Variants in CHLSN observed in about 807,000 individuals in gnomAD.
The protein encoded by CHLSN is protein cholesin.
the CHLSN span, among the ~76,000 whole-genome samples, chr7:1,126,359 C>CAAAAAAAAAA: frequency 7.4e-4 from 30 of 40,426 alleles, no homozygotes; most frequent in Non-Finnish European, 9.1e-4. Flanking sequence ...GACTCTGTCT[C>CAAAAAAAAAA]AAAAAAAAAA....
At chr7:1,048,543 C>G in the CHLSN span, among the ~76,000 whole-genome samples, 4 of 152,168 alleles carry the variant, frequency 2.6e-5, no homozygotes, top group Non-Finnish European at 5.9e-5. Flanking sequence ...TCTGAACAGG[C>G]CTGGGGCAGT....
At chr7:989,238 C>G in the CHLSN span, 1 of 202,058 alleles carries the variant, frequency 4.9e-6, no homozygotes, top group African/African-American at 2.3e-5. Flanking sequence ...GCCCTGCACC[C>G]CCCAGGTCCT....
the CHLSN span, among the ~76,000 whole-genome samples, chr7:1,109,689 C>T: frequency 6.7e-6 from 1 of 149,988 alleles, no homozygotes; most frequent in Non-Finnish European, 1.5e-5. Flanking sequence ...CCCTCCATGG[C>T]CAGCAGGGCC....
chr7:1,015,024 C>T, the CHLSN span, among the ~76,000 whole-genome samples: 1 of 152,338 alleles, frequency 6.6e-6, no homozygotes, highest in East Asian at 1.9e-4. Flanking sequence ...GTGGGGGCCG[C>T]GTTGCCGGGC....
the CHLSN span, chr7:1,028,138 G>C: frequency 1.5e-6 from 1 of 659,448 alleles, no homozygotes; most frequent in Non-Finnish European, 1.9e-6. Context: ...CCGCAGCAGC[G>C]TCTGGACGCC....
the CHLSN span, among the ~76,000 whole-genome samples, chr7:1,070,600 A>G: frequency 1.3e-3 from 179 of 141,216 alleles, 4 homozygotes; most frequent in East Asian, 0.035. Context: ...ACGCACACAC[A>G]TGCACACATG....
chr7:1,121,700 C>G, the CHLSN span, among the ~76,000 whole-genome samples: 7 of 152,364 alleles, frequency 4.6e-5, no homozygotes, highest in South Asian at 1.4e-3. Context: ...GGGTTTACAG[C>G]CAAGACCATG....
the CHLSN span, chr7:1,058,143 C>T: frequency 2.7e-6 from 2 of 744,476 alleles, no homozygotes; most frequent in Non-Finnish European, 4.9e-6. Flanking sequence ...GCTGGTGCTA[C>T]TCTCCCGCGT....
At chr7:1,057,434 T>G in the CHLSN span, 2 of 650,450 alleles carry the variant, frequency 3.1e-6, no homozygotes. Flanking sequence ...CTGCAGCACT[T>G]CTGGGCCAGG....
At chr7:1,100,779 A>C in the CHLSN span, among the ~76,000 whole-genome samples, 2,571 of 152,144 alleles carry the variant, frequency 0.017, 87 homozygotes, top group East Asian at 0.17. Flanking sequence ...TTAAAAAAAA[A>C]AACAAAACAA....
chr7:1,028,553 C>T, the CHLSN span: 9 of 984,990 alleles, frequency 9.1e-6, no homozygotes, highest in African/African-American at 1.0e-4. Flanking sequence ...GCTCTCTGGC[C>T]GCCCGGGTCT....
chr7:1,028,560 G>C, the CHLSN span: 2 of 985,104 alleles, frequency 2.0e-6, no homozygotes, highest in African/African-American at 1.7e-5. Context: ...GGCCGCCCGG[G>C]TCTCCGGTCC....
chr7:1,044,503 G>C, the CHLSN span: 2 of 152,098 alleles, frequency 1.3e-5, 1 homozygote, highest in South Asian at 4.1e-4. Context: ...CTGGGGGCGG[G>C]GCCAGGCATG....
the CHLSN span, chr7:997,700 C>G: frequency 5.0e-6 from 8 of 1,611,292 alleles, no homozygotes; most frequent in Non-Finnish European, 6.8e-6. Context: ...CCTCCTCATC[C>G]AGCTCCCGCA....
chr7:997,737 A>T, the CHLSN span: 1 of 1,611,190 alleles, frequency 6.2e-7, no homozygotes, highest in Admixed American at 1.7e-5. Flanking sequence ...CTGCACCGTC[A>T]GCTCTCGGGC....
chr7:1,070,484 C>T, the CHLSN span, among the ~76,000 whole-genome samples: 61 of 151,878 alleles, frequency 4.0e-4, no homozygotes, highest in African/African-American at 1.4e-3. Context: ...CATACGCACA[C>T]GGGCACACGA....
At chr7:1,087,198 G>T in the CHLSN span, 1 of 152,270 alleles carries the variant, frequency 6.6e-6, no homozygotes, top group Non-Finnish European at 1.5e-5. Flanking sequence ...CCATGAGCAG[G>T]AGAGGCGGCC....
the CHLSN span, chr7:986,587 T>C: frequency 1.2e-6 from 2 of 1,609,044 alleles, no homozygotes; most frequent in South Asian, 2.2e-5. Context: ...GCCCTGGGGC[T>C]GCGTCCTTAT....
chr7:1,058,597 CAGA>C, the CHLSN span: 19,060 of 653,558 alleles, frequency 0.029, 1,183 homozygotes, highest in East Asian at 0.22. Context: ...CACATCCTTC[CAGA>C]AGGAGACGAG....
Sources: gnomAD v4.1 joint callset for allele counts (sites outside exome capture counted in the v4.1 genomes callset) on GRCh38, gnomAD v4.1.1 for gene constraint, MANE v1.5 for transcripts, NCBI Gene and HGNC (gene_info 2026-07-23, HGNC 2026-07-21) for gene names.